The following TNNI3K variants were observed in gnomAD, a reference collection of about 807,000 sequenced individuals.
TNNI3K encodes the protein serine/threonine-protein kinase TNNI3K.
Under a neutral mutation model 114.5 loss-of-function variants are expected in TNNI3K, and 140 were observed. That is an observed-to-expected ratio of 1.22 (90% CI 1.07 to 1.41). The LOEUF (loss-of-function observed/expected upper bound fraction) is 1.41, where lower values mean the gene tolerates loss of function less well. Among genes scored for constraint, TNNI3K ranks in the 40% most tolerant of loss-of-function variants. The probability of loss-of-function intolerance (pLI) is 0.00; values close to 1 mark genes in which losing one functional copy is unlikely to be tolerated. For synonymous variants in TNNI3K, 347 were observed against 347.5 expected (o/e 1.00, Z 0.02); for missense variants, 1,125 against 1,007.6 (o/e 1.12, Z -1.58).
intron 5 of TNNI3K, among the ~76,000 whole-genome samples, chr1:74,279,143 C>T (rs1656855604): frequency 6.6e-6 from 1 of 152,106 alleles, no homozygotes; most frequent in African/African-American, 2.4e-5. Flanking sequence ...ACTAGGAACA[C>T]CCCCATGAGA....
intron 17 of TNNI3K, 39 bp from the exon 18 acceptor site, chr1:74,436,041 T>G: frequency 6.3e-7 from 1 of 1,584,494 alleles, no homozygotes; most frequent in Non-Finnish European, 8.5e-7. Context: ...ATAGCAAAGC[T>G]TACTCAATGT....
chr1:74,334,275 C>A (rs1660356847), intron 6 of TNNI3K, among the ~76,000 whole-genome samples: 1 of 152,198 alleles, frequency 6.6e-6, no homozygotes, highest in African/African-American at 2.4e-5. Flanking sequence ...ACATCACACC[C>A]AGCTAATATT....
At chr1:74,338,245 T>C (rs555705011) in intron 7 of TNNI3K, among the ~76,000 whole-genome samples, 1 of 152,108 alleles carries the variant, frequency 6.6e-6, no homozygotes, top group Non-Finnish European at 1.5e-5. Context: ...TTACTATACT[T>C]TTTAATAGAG....
At chr1:74,497,481 A>G (rs891392591) in intron 23 of TNNI3K, among the ~76,000 whole-genome samples, 2 of 152,016 alleles carry the variant, frequency 1.3e-5, no homozygotes, top group Non-Finnish European at 1.5e-5. Context: ...ACCACTGTAA[A>G]TGTTCTCAAA....
intron 8 of TNNI3K, 26 bp downstream of exon 8, chr1:74,343,012 G>C (rs769822285): frequency 1.9e-6 from 3 of 1,613,602 alleles, no homozygotes; most frequent in Non-Finnish European, 2.5e-6. Flanking sequence ...CATTCCATAG[G>C]TTCTCCAGGT....
At chr1:74,470,537 G>T (rs1372065283) in intron 21 of TNNI3K, 1 of 400,450 alleles carries the variant, frequency 2.5e-6, no homozygotes, top group Admixed American at 4.4e-5. Flanking sequence ...ATTCTATTTT[G>T]GTATGGAATT....
chr1:74,522,016 T>C (rs1646439877), intron 23 of TNNI3K, among the ~76,000 whole-genome samples: 3 of 152,150 alleles, frequency 2.0e-5, no homozygotes, highest in African/African-American at 7.2e-5. Flanking sequence ...GAGGGAGATA[T>C]ATCAACATCC....
chr1:74,513,755 A>T (rs979010530), intron 23 of TNNI3K, among the ~76,000 whole-genome samples: 1 of 152,236 alleles, frequency 6.6e-6, no homozygotes, highest in African/African-American at 2.4e-5. Flanking sequence ...AGTGAAGCTG[A>T]TGACACATTA....
chr1:74,309,383 A>G (rs1407638010), intron 5 of TNNI3K, among the ~76,000 whole-genome samples: 1 of 148,358 alleles, frequency 6.7e-6, no homozygotes, highest in East Asian at 1.9e-4. Flanking sequence ...AAAAAAAAAG[A>G]AGAGATAATA....
At chr1:74,292,685 A>G (rs543781474) in intron 5 of TNNI3K, among the ~76,000 whole-genome samples, 2 of 151,690 alleles carry the variant, frequency 1.3e-5, no homozygotes, top group Admixed American at 1.3e-4. Context: ...GTTGTTTGCT[A>G]CACAGCTTAT....
intron 20 of TNNI3K, among the ~76,000 whole-genome samples, chr1:74,441,391 TA>T (rs1381901837): frequency 6.6e-6 from 1 of 152,176 alleles, no homozygotes; most frequent in Non-Finnish European, 1.5e-5. Flanking sequence ...TATTTCATAT[TA>T]TAGATGTGCC....
In TNNI3K at chr1:74,353,125, C is replaced by G. The variant is rs970928497; in HGVS notation, c.933-141C>G. The stretch of plus-strand genomic sequence containing the variant: ...CCTCTTAAGTACCTCTTTAAAGATA[C>G]AATCCCTAAATACAGTCTCATTGTC... On this transcript the variant is annotated intron_variant, in intron 9 of 24. Transcript: ENST00000326637. 4.6e-6 allele frequency: 4 copies of G among 871,738 alleles called. No homozygotes were observed. The Admixed American group carries it at 1.2e-4, about 25-fold the overall frequency. 54.0% of individuals were successfully genotyped at this position (871,738 alleles called of 1,614,324 possible). A position where few individuals can be genotyped will look rare whatever the true frequency, so the allele number is the denominator to read the frequency against.
At chr1:74,543,797 TG>T in intron 24 of TNNI3K, 108 bp from the exon 25 acceptor site, 1 of 1,210,716 alleles carries the variant, frequency 8.3e-7, no homozygotes, top group East Asian at 2.4e-5. Context: ...TTGTCCAGAT[TG>T]TCTGTTCACA....
intron 21 of TNNI3K, among the ~76,000 whole-genome samples, chr1:74,465,386 A>C (rs1443704090): frequency 6.6e-6 from 1 of 152,138 alleles, no homozygotes; most frequent in Non-Finnish European, 1.5e-5. Context: ...CCAGGCACTG[A>C]GGGGCTTAGC....
At chr1:74,284,394 T>G (rs1657199522) in intron 5 of TNNI3K, among the ~76,000 whole-genome samples, 1 of 152,188 alleles carries the variant, frequency 6.6e-6, no homozygotes, top group African/African-American at 2.4e-5. Flanking sequence ...AATCTCTCTT[T>G]TGCGGTGACC....
rs747840288 is a variant in TNNI3K, at chr1:74,353,262, T to TC, written c.933-3dup. The TC allele has an allele frequency of 1.3e-5, 21 of 1,605,354 alleles. No homozygotes were observed. In the East Asian group the frequency reaches 4.0e-4, roughly 31 times the overall value. On this transcript the variant is annotated splice_polypyrimidine_tract_variant and splice_region_variant and intron_variant, in intron 9 of 24. Coordinates refer to ENST00000326637, the MANE Select transcript of TNNI3K (RefSeq NM_015978.3). ...CTTTCTTGTTTTATGGTTTTTTTTT[T>TC]CAGTGCTTGTACCTATGGCAAGAGC...
At chr1:74,290,758 C>T (rs1273552393) in intron 5 of TNNI3K, among the ~76,000 whole-genome samples, 2 of 151,568 alleles carry the variant, frequency 1.3e-5, no homozygotes, top group Non-Finnish European at 3.0e-5. Flanking sequence ...TAAATATTCA[C>T]CTTTACAGAA....
rs189315084 is a variant in TNNI3K at position 74,313,768 on chromosome 1, C to G, written c.445-17682C>G. Among the ~76,000 whole-genome samples, 235 of 152,048 alleles carry G rather than the reference C, an allele frequency of 1.5e-3. 1 individual carries two copies. The highest frequency in any genetic ancestry group is 5.5e-3 in the African/African-American group (230 of 41,486). Reference sequence around the variant, plus strand: ...CTATTCTCTGTACTCTGTGTTGATGCTTTAATCTTAGAGCTGAGGAGTGAA... The same window carrying G: ...CTATTCTCTGTACTCTGTGTTGATGGTTTAATCTTAGAGCTGAGGAGTGAA... On this transcript the variant is annotated intron_variant, in intron 5 of 24. Coordinates refer to ENST00000326637, the MANE Select transcript of TNNI3K (RefSeq NM_015978.3).
chr1:74,388,627 A>G (rs922175798), intron 17 of TNNI3K, among the ~76,000 whole-genome samples: 1 of 152,218 alleles, frequency 6.6e-6, no homozygotes, highest in Non-Finnish European at 1.5e-5. Flanking sequence ...TTGAAAATTG[A>G]GAATTGACAT....
Sources: allele counts gnomAD v4.1 joint callset (sites outside exome capture counted in the v4.1 genomes callset), GRCh38; gene constraint gnomAD v4.1.1; transcripts MANE v1.5; gene names NCBI Gene and HGNC (gene_info 2026-07-23, HGNC 2026-07-21).